The following PRKN variants were observed in gnomAD, a reference collection of about 807,000 sequenced individuals.
The protein encoded by PRKN is E3 ubiquitin-protein ligase parkin.
Under a neutral mutation model 59.5 loss-of-function variants are expected in PRKN, and 56 were observed. The observed-to-expected ratio is 0.94, with a 90% CI of 0.76 to 1.18. The LOEUF (loss-of-function observed/expected upper bound fraction) is 1.18, where lower values mean the gene tolerates loss of function less well. Among genes scored for constraint, PRKN ranks in the 50% most tolerant of loss-of-function variants. PRKN has a pLI of 0.00. For missense variants in PRKN, 657 were observed against 596.4 expected (o/e 1.10, Z -1.06); for synonymous variants, 250 against 222.1 (o/e 1.13, Z -1.12).
chr6:161,474,467 T>C (rs886286482), intron 9 of PRKN, among the ~76,000 whole-genome samples: 1 of 152,190 alleles, frequency 6.6e-6, no homozygotes, highest in Admixed American at 6.5e-5. Flanking sequence ...CCTTCAGTTA[T>C]AAACATAGGT....
At chr6:161,936,857 C>T (rs1260853344) in intron 6 of PRKN, among the ~76,000 whole-genome samples, 1 of 151,048 alleles carries the variant, frequency 6.6e-6, no homozygotes, top group Non-Finnish European at 1.5e-5. Flanking sequence ...GTGATCTTGG[C>T]TCACTGAAAC....
At chr6:162,597,840 T>C (rs577456841) in intron 1 of PRKN, among the ~76,000 whole-genome samples, 1 of 152,328 alleles carries the variant, frequency 6.6e-6, no homozygotes, top group Non-Finnish European at 1.5e-5. Context: ...ATTATTCCTG[T>C]GATTATAGGT....
chr6:162,263,049 A>G (rs900634627), intron 2 of PRKN, among the ~76,000 whole-genome samples: 12 of 152,100 alleles, frequency 7.9e-5, no homozygotes, highest in South Asian at 2.1e-4. Context: ...AATAATTACC[A>G]AACTGGATCT....
intron 6 of PRKN, among the ~76,000 whole-genome samples, chr6:161,812,607 C>T (rs1011560920): frequency 1.3e-5 from 2 of 152,018 alleles, no homozygotes; most frequent in Non-Finnish European, 1.5e-5. Flanking sequence ...AAGAAGATAG[C>T]AGAATGTCAA....
chr6:162,304,161 G>A (rs9458504), intron 2 of PRKN, among the ~76,000 whole-genome samples: 19,232 of 142,898 alleles, frequency 0.13, 3,154 homozygotes, highest in African/African-American at 0.37. Flanking sequence ...CTGAATTGCA[G>A]GGGTTGTTGG....
At chr6:162,480,006 A>G (rs1386160758) in intron 1 of PRKN, among the ~76,000 whole-genome samples, 1 of 151,858 alleles carries the variant, frequency 6.6e-6, no homozygotes, top group Non-Finnish European at 1.5e-5. Flanking sequence ...TGGAGGTTGC[A>G]GTGGGCCAAG....
At chr6:162,023,371 G>A (rs1783286940) in intron 5 of PRKN, among the ~76,000 whole-genome samples, 1 of 152,160 alleles carries the variant, frequency 6.6e-6, no homozygotes, top group Non-Finnish European at 1.5e-5. Context: ...TTGGCTTGGC[G>A]AATGGGTGCA....
chr6:162,276,500 T>C (rs2128105094), intron 2 of PRKN, among the ~76,000 whole-genome samples: 1 of 152,320 alleles, frequency 6.6e-6, no homozygotes, highest in East Asian at 1.9e-4. Context: ...CTTTATTTTT[T>C]ATTCTTAGAA....
chr6:161,760,588 C>T (rs769062981), intron 7 of PRKN, among the ~76,000 whole-genome samples: 3 of 151,574 alleles, frequency 2.0e-5, no homozygotes, highest in African/African-American at 2.4e-5. Context: ...TCTGGCCTAG[C>T]GAGAGTCCCT....
chr6:162,099,703 T>C (rs9458458), intron 4 of PRKN, among the ~76,000 whole-genome samples: 2,106 of 152,348 alleles, frequency 0.014, 51 homozygotes, highest in African/African-American at 0.048. Context: ...TTTTGAAATA[T>C]GTATGTGTTG....
chr6:161,876,366 C>T (rs1186696445), intron 6 of PRKN, among the ~76,000 whole-genome samples: 3 of 152,136 alleles, frequency 2.0e-5, no homozygotes, highest in African/African-American at 7.2e-5. Context: ...GACGGAAGTA[C>T]AGTGGCACAA....
chr6:162,443,925 T>C (rs1790183958), intron 1 of PRKN, among the ~76,000 whole-genome samples: 1 of 152,188 alleles, frequency 6.6e-6, no homozygotes, highest in Non-Finnish European at 1.5e-5. Flanking sequence ...TAAGCTGCTC[T>C]ATAGACCAGA....
intron 2 of PRKN, among the ~76,000 whole-genome samples, chr6:162,350,551 G>A (rs1450456831): frequency 2.0e-5 from 3 of 152,186 alleles, no homozygotes; most frequent in Non-Finnish European, 4.4e-5. Flanking sequence ...CTTGATAAAG[G>A]AGCAGAGGCT....
chr6:162,546,196 T>C (rs1562372985), intron 1 of PRKN, among the ~76,000 whole-genome samples: 1 of 149,556 alleles, frequency 6.7e-6, no homozygotes, highest in Non-Finnish European at 1.5e-5. Context: ...CTCTGTTTCC[T>C]GGGTTCAAGC....
chr6:161,497,472 C>T lies in PRKN; in HGVS notation c.1083+51382G>A, dbSNP rs1305458696. Among the ~76,000 whole-genome samples, 2 of 152,124 alleles carry T rather than the reference C, an allele frequency of 1.3e-5. No homozygotes were observed. Among genetic ancestry groups the T allele is most frequent in the South Asian group, 4.1e-4 (2 of 4,822 alleles). On this transcript the variant is annotated intron_variant, in intron 9 of 11. Coordinates refer to ENST00000366898, the MANE Select transcript of PRKN (RefSeq NM_004562.3). This position sits in a 1 kb window ranked among gnomAD's most constrained non-coding sequence, Gnocchi z 4.6. ...TAGGAGAGATAAGAGACAGATATTA[C>T]TCCTTTTTAAAACTCTGTATTCCCA...
chr6:161,505,982 T>A (rs1778152716), intron 9 of PRKN, among the ~76,000 whole-genome samples: 1 of 151,930 alleles, frequency 6.6e-6, no homozygotes, highest in African/African-American at 2.4e-5. Flanking sequence ...TTTGTTCTTT[T>A]GGCTTAGGAT....
chr6:162,510,700 T>C (rs1277320643), intron 1 of PRKN, among the ~76,000 whole-genome samples: 2 of 152,052 alleles, frequency 1.3e-5, no homozygotes, highest in African/African-American at 4.8e-5. Flanking sequence ...GGCGAGCAGA[T>C]CACTTGAGGT....
At chr6:162,275,797 AC>A (rs1191915348) in intron 2 of PRKN, among the ~76,000 whole-genome samples, 2 of 151,958 alleles carry the variant, frequency 1.3e-5, no homozygotes, top group Non-Finnish European at 2.9e-5. Flanking sequence ...AAAAAAAAAA[AC>A]GAAATTACAG....
intron 1 of PRKN, among the ~76,000 whole-genome samples, chr6:162,475,703 C>T (rs368489425): frequency 7.4e-6 from 1 of 134,822 alleles, no homozygotes; most frequent in African/African-American, 2.7e-5. Flanking sequence ...GTACAAAACA[C>T]CACTATTTAT....
Sources: gnomAD v4.1 joint callset for allele counts (sites outside exome capture counted in the v4.1 genomes callset) on GRCh38, gnomAD v4.1.1 for gene constraint, Gnocchi (gnomAD v3.1) non-coding constraint, MANE v1.5 for transcripts, NCBI Gene and HGNC (gene_info 2026-07-23, HGNC 2026-07-21) for gene names.